The following TOGARAM2 variants were observed in gnomAD, a reference collection of about 807,000 sequenced individuals.
TOGARAM2 encodes the protein TOG array regulator of axonemal microtubules 2.
A neutral mutation model predicts 93.3 loss-of-function variants in TOGARAM2; 85 were observed. That is an observed-to-expected ratio of 0.91 (90% CI 0.76 to 1.09). TOGARAM2 has a LOEUF of 1.09. Ranked by LOEUF, TOGARAM2 falls within the 50% of genes least tolerant of loss-of-function variation. The probability of loss-of-function intolerance (pLI) is 0.00; values close to 1 mark genes in which losing one functional copy is unlikely to be tolerated. For synonymous variants in TOGARAM2, 593 were observed against 552.8 expected, an observed-to-expected ratio of 1.07 and a Z score of -1.02; for missense variants, 1,277 against 1,334.5, an observed-to-expected ratio of 0.96 and a Z score of 0.67.
At position 28,998,129 on chromosome 2, in the gene TOGARAM2, G is replaced by T; in HGVS notation, c.29-14G>T. ...GGACTCTCAGGTGCTGCTCTCCTGTGCTTCTGTCTCCAGCCAAGGTCCTGG... is the reference window on the plus strand; with the variant it reads ...GGACTCTCAGGTGCTGCTCTCCTGTTCTTCTGTCTCCAGCCAAGGTCCTGG... On this transcript the variant is annotated splice_polypyrimidine_tract_variant and intron_variant, in intron 2 of 19. Transcript: ENST00000379558. 1 of 1,581,568 alleles carries T rather than the reference G, an allele frequency of 6.3e-7. No individual in the cohort carries two copies. The highest frequency in any genetic ancestry group is 8.6e-7 in the Non-Finnish European group (1 of 1,161,214).
rs750679508 is a variant in TOGARAM2, at chr2:29,014,305, C to T, written c.878-90C>T. On this transcript the variant is annotated intron_variant, in intron 7 of 19. Coordinates refer to ENST00000379558, the MANE Select transcript of TOGARAM2 (RefSeq NM_199280.4). The stretch of plus-strand genomic sequence containing the variant: ...TTGAGGAAGAATTGAGGGTGTGGGG[C>T]TTAGCAGTAGAATTGAGCCAGCCAC... The T allele has an allele frequency of 6.9e-5, 101 of 1,453,686 alleles. No homozygotes were observed. In the Middle Eastern group the frequency reaches 1.4e-3, roughly 21 times the overall value. The allele number at this position is 1,453,686 out of a possible 1,614,324, so 90.0% of individuals were successfully genotyped here. A position where few individuals can be genotyped will look rare whatever the true frequency, so the allele number is the denominator to read the frequency against.
chr2:29,029,407 A>G (rs1278597947), intron 14 of TOGARAM2, among the ~76,000 whole-genome samples: 6 of 152,206 alleles, frequency 3.9e-5, no homozygotes. Flanking sequence ...AAAACCAAAC[A>G]TCGTATGTTG....
chr2:29,016,273 A>ACCATCC, intron 8 of TOGARAM2, among the ~76,000 whole-genome samples: 1 of 151,460 alleles, frequency 6.6e-6, no homozygotes, highest in East Asian at 1.9e-4. Flanking sequence ...TGCCCACCCC[A>ACCATCC]CCATCCCCAT....
chr2:29,018,256 G>A (rs1664718445), intron 10 of TOGARAM2: 1 of 352,686 alleles, frequency 2.8e-6, no homozygotes, highest in East Asian at 4.5e-5. Context: ...CTAGACAATA[G>A]CACCCAAGGA....
At chr2:29,033,651 G>T in intron 16 of TOGARAM2, 88 bp downstream of exon 16, 1 of 1,213,970 alleles carries the variant, frequency 8.2e-7, no homozygotes, top group East Asian at 2.5e-5. Flanking sequence ...TGGCTCTGGG[G>T]TGGACATATG....
chr2:28,987,193 C>T (rs1482211413), intron 1 of TOGARAM2, among the ~76,000 whole-genome samples: 1 of 152,226 alleles, frequency 6.6e-6, no homozygotes, highest in Non-Finnish European at 1.5e-5. Context: ...TTTGGAAGCA[C>T]ACTGTAGTAC....
At chr2:29,005,208 T>G (rs1673630846) in intron 6 of TOGARAM2, among the ~76,000 whole-genome samples, 1 of 132,758 alleles carries the variant, frequency 7.5e-6, no homozygotes, top group South Asian at 2.4e-4. Flanking sequence ...TGCATGTGTG[T>G]GGGTATGTGT....
chr2:29,027,104 C>A, intron 14 of TOGARAM2, 93 bp downstream of exon 14: 2 of 1,293,856 alleles, frequency 1.5e-6, no homozygotes, highest in Non-Finnish European at 2.1e-6. Flanking sequence ...TCCCTGGGAT[C>A]CTGCAGAGGG....
rs1484653686 is a variant in TOGARAM2 at position 29,035,525 on chromosome 2, A to T, written c.2287A>T (p.Met763Leu). 1 of 1,564,224 alleles carries T rather than the reference A, an allele frequency of 6.4e-7. No homozygotes were observed. The highest frequency in any genetic ancestry group is 1.2e-5 in the South Asian group (1 of 83,050). Residue 763 changes from methionine to leucine, a missense_variant, in exon 17 of 20, where the codon ATG becomes TTG. Physicochemically the swap from Met to Leu is conservative, Grantham distance 15 (BLOSUM62 2). Coordinates refer to ENST00000379558, the MANE Select transcript of TOGARAM2 (RefSeq NM_199280.4). ...LRSTLQGRGE[M>L]VEQLRELTRL... ...CTCCACACTGCAGGGCCGCGGGGAG[A>T]TGGTGGAGCAGCTACGGGAGCTGAC...
At chr2:29,001,786 C>T (rs574286138) in intron 4 of TOGARAM2, among the ~76,000 whole-genome samples, 3 of 152,238 alleles carry the variant, frequency 2.0e-5, no homozygotes, top group East Asian at 3.9e-4. Flanking sequence ...TGAGCCACTG[C>T]GCCTGGCCTG....
chr2:29,007,669 A>C (rs747543115), intron 6 of TOGARAM2, among the ~76,000 whole-genome samples: 5 of 151,914 alleles, frequency 3.3e-5, no homozygotes, highest in Non-Finnish European at 7.4e-5. Flanking sequence ...CTGTATTGAC[A>C]TTCCTGATTG....
chr2:29,027,382 T>C (rs371595294), intron 14 of TOGARAM2, among the ~76,000 whole-genome samples: 166 of 152,266 alleles, frequency 1.1e-3, no homozygotes, highest in African/African-American at 3.8e-3. Context: ...AAAAATGAAG[T>C]CCCTATTGTA....
At chr2:29,007,784 C>A (rs536391149) in intron 6 of TOGARAM2, among the ~76,000 whole-genome samples, 1 of 152,148 alleles carries the variant, frequency 6.6e-6, no homozygotes, top group Non-Finnish European at 1.5e-5. Flanking sequence ...AGTTCCTCCC[C>A]GCTGTCCCCC....
At position 29,004,891 on chromosome 2, in the gene TOGARAM2, CAT is replaced by C. The variant is rs1491142597; in HGVS notation, c.830+1210_830+1211del. 9.3e-5 allele frequency among the ~76,000 whole-genome samples: 11 copies of C among 118,156 alleles called. No homozygotes were observed. In the East Asian group the frequency reaches 1.0e-3, roughly 11 times the overall value. The allele number at this position is 118,156 out of a possible 152,430, so 77.5% of individuals were successfully genotyped here. ...TGCATGTGTGTGGAGTGTATGTGTA[CAT>C]GTGTGAGTGCATGTGTGTGCATGTG... On this transcript the variant is annotated intron_variant, in intron 6 of 19. Transcript: ENST00000379558.
chr2:28,980,001 C>G (rs1013889537), upstream of TOGARAM2, among the ~76,000 whole-genome samples: 3 of 152,192 alleles, frequency 2.0e-5, no homozygotes, highest in Non-Finnish European at 2.9e-5. Context: ...TGGCTTGGGG[C>G]AAGGGCTTAA....
In TOGARAM2 at chr2:29,003,674, A is replaced by T; in HGVS notation, c.822A>T (p.Pro274=). The T allele has an allele frequency of 1.3e-6, 2 of 1,539,116 alleles. No individual in the cohort carries two copies. The highest frequency in any genetic ancestry group is 1.7e-6 in the Non-Finnish European group (2 of 1,144,366). ...GAGTCCTCACAGGCCTGAGGGCCCCACGCACGCGGTAAGAGCTCCAAGTCA... is the reference window on the plus strand; with the variant it reads ...GAGTCCTCACAGGCCTGAGGGCCCCTCGCACGCGGTAAGAGCTCCAAGTCA... ...GQGVLTGLRA[P]RTRLARGSGP... Residue 274 remains proline (P), a synonymous_variant, in exon 6 of 20, where the codon CCA becomes CCT. Transcript: ENST00000379558.
chr2:29,024,377 A>T lies in TOGARAM2; in HGVS notation c.1853+3A>T, dbSNP rs750828282. Reference sequence around the variant, plus strand: ...GTCCTCACCTCGGCGGGTGTCTAGTATGTGGCTGCCTGTTGTCTGAGGGGC... The same window carrying T: ...GTCCTCACCTCGGCGGGTGTCTAGTTTGTGGCTGCCTGTTGTCTGAGGGGC... On this transcript the variant is annotated splice_donor_region_variant and intron_variant, in intron 13 of 19. Transcript: ENST00000379558. The T allele has an allele frequency of 2.1e-6, 3 of 1,450,294 alleles. No homozygotes were observed. Among genetic ancestry groups the T allele is most frequent in the Non-Finnish European group, 1.9e-6 (2 of 1,077,240 alleles). 89.8% of individuals were successfully genotyped at this position (1,450,294 alleles called of 1,614,324 possible).
At chr2:28,997,270 C>T (rs143095295) in intron 2 of TOGARAM2, among the ~76,000 whole-genome samples, 1 of 152,232 alleles carries the variant, frequency 6.6e-6, no homozygotes, top group African/African-American at 2.4e-5. Context: ...AGAGAATCTG[C>T]TTTAAAAACT....
chr2:28,999,711 T>A (rs1218395864), intron 4 of TOGARAM2, among the ~76,000 whole-genome samples: 1 of 152,244 alleles, frequency 6.6e-6, no homozygotes, highest in East Asian at 1.9e-4. Flanking sequence ...CGCCTTCTAG[T>A]CTTGCTCCAG....
Sources: gnomAD v4.1 joint callset for allele counts (sites outside exome capture counted in the v4.1 genomes callset) on GRCh38, gnomAD v4.1.1 for gene constraint, MANE v1.5 for transcripts, NCBI Gene and HGNC (gene_info 2026-07-23, HGNC 2026-07-21) for gene names.